Variants in LOC128462377 observed in about 807,000 individuals in gnomAD.
the LOC128462377 span, chr16:89,361,602 T>C: frequency 1.3e-5 from 2 of 152,218 alleles, no homozygotes; most frequent in African/African-American, 4.8e-5. Context: ...CTGAGGCCCA[T>C]CCTGCTGGGA....
At chr16:89,383,182 C>G in the LOC128462377 span, among the ~76,000 whole-genome samples, 1 of 152,194 alleles carries the variant, frequency 6.6e-6, no homozygotes, top group African/African-American at 2.4e-5. Context: ...GTAAAGGGAG[C>G]GGTGCGAGGT....
chr16:89,396,562 A>G, the LOC128462377 span, among the ~76,000 whole-genome samples: 2 of 152,120 alleles, frequency 1.3e-5, no homozygotes, highest in African/African-American at 4.8e-5. Context: ...TACTTCAACT[A>G]GAACAACATA....
At chr16:89,386,415 A>C in the LOC128462377 span, among the ~76,000 whole-genome samples, 1 of 152,134 alleles carries the variant, frequency 6.6e-6, no homozygotes, top group Non-Finnish European at 1.5e-5. Context: ...TTACCCAAGG[A>C]GACGCCAGAA....
At chr16:89,358,402 G>A in the LOC128462377 span, among the ~76,000 whole-genome samples, 1 of 152,190 alleles carries the variant, frequency 6.6e-6, no homozygotes, top group African/African-American at 2.4e-5. Flanking sequence ...GTTTCAAAGA[G>A]CCACGTGGAT....
the LOC128462377 span, among the ~76,000 whole-genome samples, chr16:89,406,100 A>T: frequency 7.4e-6 from 1 of 136,044 alleles, no homozygotes. Context: ...ACAAAGGGAG[A>T]TTCCATCTCA....
At chr16:89,350,646 A>G in the LOC128462377 span, among the ~76,000 whole-genome samples, 1 of 152,232 alleles carries the variant, frequency 6.6e-6, no homozygotes, top group Non-Finnish European at 1.5e-5. Flanking sequence ...AAATAGGATG[A>G]CATGCTGCTG....
the LOC128462377 span, among the ~76,000 whole-genome samples, chr16:89,414,720 C>T: frequency 6.6e-6 from 1 of 152,272 alleles, no homozygotes; most frequent in Middle Eastern, 3.4e-3. Context: ...GACCCTATGT[C>T]ACTGCGGCCA....
At chr16:89,373,176 C>T in the LOC128462377 span, 1 of 152,244 alleles carries the variant, frequency 6.6e-6, no homozygotes, top group African/African-American at 2.4e-5. Flanking sequence ...CTTCACAGAT[C>T]ATCCAATGCA....
the LOC128462377 span, among the ~76,000 whole-genome samples, chr16:89,396,687 G>A: frequency 1.3e-5 from 2 of 152,100 alleles, no homozygotes; most frequent in Admixed American, 6.6e-5. Flanking sequence ...GCTATTTGTT[G>A]TTGTTGCTGT....
chr16:89,406,468 G>C, the LOC128462377 span, among the ~76,000 whole-genome samples: 1 of 152,212 alleles, frequency 6.6e-6, no homozygotes, highest in Non-Finnish European at 1.5e-5. Flanking sequence ...ACGGGCAAAG[G>C]AGCCACCGTG....
chr16:89,396,910 C>G, the LOC128462377 span, among the ~76,000 whole-genome samples: 3 of 152,056 alleles, frequency 2.0e-5, no homozygotes, highest in Non-Finnish European at 4.4e-5. Flanking sequence ...TGGTCTCAAA[C>G]TCCTGACCTC....
the LOC128462377 span, among the ~76,000 whole-genome samples, chr16:89,344,015 T>A: frequency 6.6e-6 from 1 of 152,190 alleles, no homozygotes; most frequent in South Asian, 2.1e-4. Flanking sequence ...TAAATATCGG[T>A]GCAGGCGGCC....
chr16:89,322,334 G>A, the LOC128462377 span, among the ~76,000 whole-genome samples: 1 of 152,240 alleles, frequency 6.6e-6, no homozygotes, highest in African/African-American at 2.4e-5. Context: ...TATGTTGATA[G>A]AACAGGCCTT....
chr16:89,317,616 C>T, the LOC128462377 span, among the ~76,000 whole-genome samples: 1 of 152,188 alleles, frequency 6.6e-6, no homozygotes, highest in Non-Finnish European at 1.5e-5. Flanking sequence ...ACTTGGTAGG[C>T]AAGGGGTGTC....
At chr16:89,396,616 T>C in the LOC128462377 span, among the ~76,000 whole-genome samples, 102 of 152,312 alleles carry the variant, frequency 6.7e-4, no homozygotes, top group Non-Finnish European at 1.4e-3. Context: ...AACCCTGCTG[T>C]CTTCTATGAA....
chr16:89,390,349 C>T, the LOC128462377 span, among the ~76,000 whole-genome samples: 7 of 151,188 alleles, frequency 4.6e-5, no homozygotes, highest in East Asian at 9.7e-4. Flanking sequence ...CTGGGGCGAA[C>T]ACCGAGTGTG....
the LOC128462377 span, among the ~76,000 whole-genome samples, chr16:89,325,746 C>T: frequency 1.3e-5 from 2 of 152,182 alleles, no homozygotes; most frequent in African/African-American, 4.8e-5. Flanking sequence ...CTGAAGCAGT[C>T]TTTCAGAAGG....
chr16:89,371,997 C>T, the LOC128462377 span, among the ~76,000 whole-genome samples: 2 of 152,170 alleles, frequency 1.3e-5, no homozygotes, highest in African/African-American at 2.4e-5. Flanking sequence ...AAGATGGGAC[C>T]GGTTTGTCAC....
At chr16:89,342,021 G>A in the LOC128462377 span, among the ~76,000 whole-genome samples, 2 of 59,354 alleles carry the variant, frequency 3.4e-5, no homozygotes, top group African/African-American at 5.1e-5. Context: ...CGGGAGTGCT[G>A]CACCTCCACT....
Sources: allele counts gnomAD v4.1 joint callset (sites outside exome capture counted in the v4.1 genomes callset), GRCh38; gene constraint gnomAD v4.1.1; transcripts MANE v1.5.